The following TET1 variants were observed in gnomAD, a reference collection of about 807,000 sequenced individuals.
TET1 encodes the protein tet methylcytosine dioxygenase 1.
A neutral mutation model predicts 148.7 loss-of-function variants in TET1; 13 were observed. The ratio of observed to expected loss-of-function variants is 0.09; its 90% CI spans 0.06 to 0.14. The LOEUF (loss-of-function observed/expected upper bound fraction) is 0.14. Ranked by LOEUF, TET1 falls within the 10% of genes least tolerant of loss-of-function variation. TET1 has a pLI of 1.00. For synonymous variants in TET1, 907 were observed against 937.2 expected (o/e 0.97, Z 0.59); for missense variants, 2,182 against 2,553.8 (o/e 0.85, Z 3.14).
chr10:68,576,034 A>AT (rs952357166), intron 2 of TET1, among the ~76,000 whole-genome samples: 2 of 149,526 alleles, frequency 1.3e-5, no homozygotes, highest in African/African-American at 5.0e-5. Context: ...AAAAAAAAAA[A>AT]TTAAATAAAT....
At position 68,626,115 on chromosome 10, in the gene TET1, GA is replaced by G. The variant is rs1163517341; in HGVS notation, c.1969-18578del. ...AAAAAAAAGAAAAAAAAAAAGAAAA[GA>G]AAAAGAAAAGAAAATACTTAAAGGG... On this transcript the variant is annotated intron_variant, in intron 3 of 11. Transcript: ENST00000373644. Among the ~76,000 whole-genome samples, 133 of 19,158 alleles carry G rather than the reference GA, an allele frequency of 6.9e-3. 3 individuals are homozygous for G. The highest frequency in any genetic ancestry group is 0.025 in the African/African-American group (130 of 5,102). 12.6% of individuals were successfully genotyped at this position (19,158 alleles called of 152,430 possible).
intron 3 of TET1, among the ~76,000 whole-genome samples, chr10:68,608,969 G>A (rs774796835): frequency 3.3e-5 from 5 of 151,962 alleles, no homozygotes; most frequent in Non-Finnish European, 7.4e-5. Flanking sequence ...GGAATTACAG[G>A]CATGAGCAAC....
intron 4 of TET1, among the ~76,000 whole-genome samples, chr10:68,651,626 T>C (rs2054937304): frequency 6.6e-6 from 1 of 152,106 alleles, no homozygotes; most frequent in Admixed American, 6.5e-5. Flanking sequence ...TCCTCTGATT[T>C]TCAGAGGAAG....
Position 68,691,412 on chromosome 10 carries a change from T to C in TET1, c.6009T>C (p.Asp2003=). Residue 2003 remains aspartate (D), a synonymous_variant, in exon 12 of 12, where the codon GAT becomes GAC. Coordinates refer to ENST00000373644, the MANE Select transcript of TET1 (RefSeq NM_030625.3). The surrounding 1 kb of genome is among the most constrained non-coding windows in gnomAD (Gnocchi z 4.4). ...CAGACAGTGAGCACATCTTTTTGGA[T>C]GCAAATATTGGTGGGGTGGCCATCG... ...YWSDSEHIFL[D]ANIGGVAIAP... 25 of 1,614,138 alleles carry C rather than the reference T, an allele frequency of 1.5e-5. No homozygotes were observed. Among genetic ancestry groups the C allele is most frequent in the Non-Finnish European group, 2.1e-5 (25 of 1,180,038 alleles).
rs968673262 is a variant in TET1 at position 68,683,506 on chromosome 10, A to C, written c.5052+533A>C. 2.6e-5 allele frequency among the ~76,000 whole-genome samples: 4 copies of C among 151,946 alleles called. No homozygotes were observed. The East Asian group carries it at 7.8e-4, about 30-fold the overall frequency. On this transcript the variant is annotated intron_variant, in intron 10 of 11. Coordinates refer to ENST00000373644, the MANE Select transcript of TET1 (RefSeq NM_030625.3). ...TGTTAGCCAGGATGGTCTTGATCTC[A>C]TGACCTCGTGATCCACCCACCTTGG...
At chr10:68,648,306 C>T (rs2054881572) in intron 4 of TET1, among the ~76,000 whole-genome samples, 1 of 152,154 alleles carries the variant, frequency 6.6e-6, no homozygotes, top group Non-Finnish European at 1.5e-5. Flanking sequence ...GAATCCTGTA[C>T]TGATTAGTTA....
At chr10:68,594,861 C>A (rs1221330308) in intron 2 of TET1, among the ~76,000 whole-genome samples, 1 of 151,820 alleles carries the variant, frequency 6.6e-6, no homozygotes, top group Admixed American at 6.6e-5. Context: ...TGCCTGTAAT[C>A]CCAGGTACTC....
intron 3 of TET1, among the ~76,000 whole-genome samples, chr10:68,636,780 AGAGTG>A (rs2054656801): frequency 6.6e-6 from 1 of 152,126 alleles, no homozygotes; most frequent in Non-Finnish European, 1.5e-5. Flanking sequence ...CAAGGTAAGG[AGAGTG>A]GAGTCTAGGG....
At chr10:68,576,750 T>C (rs2133696616) in intron 2 of TET1, among the ~76,000 whole-genome samples, 1 of 152,316 alleles carries the variant, frequency 6.6e-6, no homozygotes, top group East Asian at 1.9e-4. Flanking sequence ...TTTTCTTTTC[T>C]GAGACAGAGT....
chr10:68,685,024 G>T lies in TET1; in HGVS notation c.5053-1332G>T, dbSNP rs117826826. Among the ~76,000 whole-genome samples the T allele has an allele frequency of 1.4e-4, 21 of 152,254 alleles. No individual in the cohort carries two copies. The East Asian group carries it at 3.9e-3, about 28-fold the overall frequency. ...AATCCCAGCACTTTGGGATGCTGAG[G>T]TGGAAGGATTGCTTGAACCCAGGAT... is the stretch of plus-strand genomic sequence containing the variant. On this transcript the variant is annotated intron_variant, in intron 10 of 11. Transcript: ENST00000373644.
chr10:68,675,905 A>G (rs2055342371), intron 8 of TET1, among the ~76,000 whole-genome samples: 1 of 151,900 alleles, frequency 6.6e-6, no homozygotes, highest in Non-Finnish European at 1.5e-5. Flanking sequence ...GCCTAGGCTG[A>G]CGTGCAATGG....
At chr10:68,675,543 A>G (rs1035846290) in intron 8 of TET1, among the ~76,000 whole-genome samples, 1 of 151,778 alleles carries the variant, frequency 6.6e-6, no homozygotes, top group Admixed American at 6.6e-5. Flanking sequence ...ATGAAGGCCA[A>G]AGCGTCAAAC....
At chr10:68,624,218 T>G (rs993868525) in intron 3 of TET1, among the ~76,000 whole-genome samples, 2 of 151,938 alleles carry the variant, frequency 1.3e-5, no homozygotes, top group Non-Finnish European at 2.9e-5. Context: ...TGCCTCAGCC[T>G]CCCAAGTAGC....
At chr10:68,616,254 C>T (rs2054288413) in intron 3 of TET1, among the ~76,000 whole-genome samples, 1 of 150,360 alleles carries the variant, frequency 6.7e-6, no homozygotes, top group Admixed American at 6.6e-5. Context: ...GCATTGCATT[C>T]AGTTGCTATA....
intron 3 of TET1, among the ~76,000 whole-genome samples, chr10:68,616,630 G>T (rs2795873): frequency 6.6e-6 from 1 of 151,844 alleles, no homozygotes; most frequent in Non-Finnish European, 1.5e-5. Flanking sequence ...CAAACTTTTG[G>T]GCTCACACGA....
intron 3 of TET1, among the ~76,000 whole-genome samples, chr10:68,634,090 G>T (rs1221142927): frequency 6.6e-6 from 1 of 152,000 alleles, no homozygotes; most frequent in Non-Finnish European, 1.5e-5. Context: ...TCACCATGTT[G>T]CCTAGACTGT....
chr10:68,562,129 C>T lies in TET1; in HGVS notation c.-123+1387C>T, dbSNP rs112181672. On this transcript the variant is annotated intron_variant, in intron 1 of 11. Transcript: ENST00000373644. The stretch of plus-strand genomic sequence containing the variant: ...CACAGCCCTGGGCCGGCGGGGTGAG[C>T]CGCGCGCGCCACTGGAAGAGCGGCG... Among the ~76,000 whole-genome samples, 7 of 152,308 alleles carry T rather than the reference C, an allele frequency of 4.6e-5. 1 individual carries two copies. Among genetic ancestry groups the T allele is most frequent in the African/African-American group, 1.7e-4 (7 of 41,578 alleles).
At chr10:68,690,701 C>T (rs941018166) in intron 11 of TET1, 107 bp from the exon 12 acceptor site, 32 of 1,086,786 alleles carry the variant, frequency 2.9e-5, no homozygotes, top group Admixed American at 1.1e-4. Context: ...ACAACATCAG[C>T]GTTTTCTTAT....
intron 3 of TET1, chr10:68,632,331 A>G: frequency 6.6e-7 from 1 of 1,514,016 alleles, no homozygotes; most frequent in South Asian, 1.2e-5. Flanking sequence ...CAAAAAAAAA[A>G]GAAAGGGTGC....
Sources: allele counts gnomAD v4.1 joint callset (sites outside exome capture counted in the v4.1 genomes callset), GRCh38; gene constraint gnomAD v4.1.1; non-coding constraint Gnocchi (gnomAD v3.1); transcripts MANE v1.5; gene names NCBI Gene and HGNC (gene_info 2026-07-23, HGNC 2026-07-21).